The following DDI2 variants were observed in gnomAD, a reference collection of about 807,000 sequenced individuals.
DDI2 encodes protein DDI1 homolog 2.
A neutral mutation model predicts 48.1 loss-of-function variants in DDI2; 5 were observed. That is an observed-to-expected ratio of 0.10 (90% CI 0.05 to 0.22). The LOEUF (loss-of-function observed/expected upper bound fraction) is 0.22, where lower values mean the gene tolerates loss of function less well. Among genes scored for constraint, DDI2 ranks in the 10% least tolerant of loss-of-function variants. The pLI, the probability that DDI2 is intolerant of heterozygous loss-of-function variation, is 1.00. For synonymous variants in DDI2, 205 were observed against 183.6 expected, an observed-to-expected ratio of 1.12 and a Z score of -0.94; for missense variants, 285 against 506.2, an observed-to-expected ratio of 0.56 and a Z score of 4.19.
Position 15,661,813 on chromosome 1 carries a change from A to G in DDI2, c.*2023A>G, listed in dbSNP as rs1640388262. 6.9e-7 allele frequency: 1 copy of G among 1,439,966 alleles called. No individual in the cohort carries two copies. The highest frequency in any genetic ancestry group is 9.2e-7 in the Non-Finnish European group (1 of 1,089,402). The allele number at this position is 1,439,966 out of a possible 1,614,324, so 89.2% of individuals were successfully genotyped here. A position where few individuals can be genotyped will look rare whatever the true frequency, so the allele number is the denominator to read the frequency against. ...ACGCACACATACACACTCACCACAT[A>G]TACAGTATATATAGAAACCTGCAAG... On this transcript the variant is annotated 3_prime_UTR_variant, in exon 10 of 10. Coordinates refer to ENST00000480945, the MANE Select transcript of DDI2 (RefSeq NM_032341.5).
At chr1:15,633,984 A>T in intron 4 of DDI2, 1 of 353,594 alleles carries the variant, frequency 2.8e-6, no homozygotes, top group Non-Finnish European at 5.6e-6. Context: ...ACATGATTGG[A>T]TTAGAGAGGG....
Position 15,660,715 on chromosome 1 carries a change from G to C in DDI2, c.*925G>C. 2 of 1,613,950 alleles carry C rather than the reference G, an allele frequency of 1.2e-6. No individual in the cohort carries two copies. The highest frequency in any genetic ancestry group is 1.1e-5 in the South Asian group (1 of 90,992). ...CATTGGTGCATTGGATCTCACTTTA[G>C]ATAATCCCTTGATGGAAGTAGAAAC... is the stretch of plus-strand genomic sequence containing the variant. On this transcript the variant is annotated 3_prime_UTR_variant, in exon 10 of 10. Transcript: ENST00000480945.
chr1:15,652,249 G>A (rs1364469111), intron 8 of DDI2, among the ~76,000 whole-genome samples: 4 of 151,200 alleles, frequency 2.6e-5, no homozygotes, highest in African/African-American at 9.7e-5. Context: ...GCAGAGATAG[G>A]GTCTTGCTGT....
At chr1:15,652,928 T>A (rs1221647535) in intron 8 of DDI2, among the ~76,000 whole-genome samples, 2 of 151,800 alleles carry the variant, frequency 1.3e-5, no homozygotes, top group African/African-American at 4.8e-5. Flanking sequence ...TTGCTTGAAC[T>A]TGGGAGGCGG....
intron 4 of DDI2, chr1:15,634,350 T>G (rs1639893589): frequency 6.5e-6 from 1 of 152,906 alleles, no homozygotes; most frequent in African/African-American, 2.4e-5. Context: ...TGTTGCTAAT[T>G]GTGAAGAACT....
intron 9 of DDI2, among the ~76,000 whole-genome samples, chr1:15,659,238 C>T (rs1640319477): frequency 6.6e-6 from 1 of 152,152 alleles, no homozygotes; most frequent in Non-Finnish European, 1.5e-5. Context: ...CCTCTCTGTC[C>T]AGGTATACCT....
In DDI2 at chr1:15,634,809, G is replaced by A. The variant is rs75731699; in HGVS notation, c.632+1244G>A. Among the ~76,000 whole-genome samples the A allele has an allele frequency of 2.2e-3, 339 of 152,124 alleles. 4 individuals carry two copies. In the East Asian group the frequency reaches 0.026, roughly 12 times the overall value. ...AGCCTCCCAAAGTGCTAGGATTATA[G>A]GGATGAGCCACTGCACTTAGCCCGT... On this transcript the variant is annotated intron_variant, in intron 4 of 9. Coordinates refer to ENST00000480945, the MANE Select transcript of DDI2 (RefSeq NM_032341.5).
At chr1:15,630,236 A>C in intron 2 of DDI2, 89 bp from the exon 3 acceptor site, 3 of 1,184,690 alleles carry the variant, frequency 2.5e-6, no homozygotes, top group Non-Finnish European at 3.7e-6. Context: ...GCTGTCATAT[A>C]CCATGTATGA....
chr1:15,641,481 A>C (rs1640006487), intron 5 of DDI2, among the ~76,000 whole-genome samples: 1 of 151,972 alleles, frequency 6.6e-6, no homozygotes, highest in African/African-American at 2.4e-5. Context: ...CCAAAAAAAA[A>C]AAAAGTGACA....
chr1:15,667,550 TG>T lies in DDI2; in HGVS notation c.*7763del, dbSNP rs1370924346. On this transcript the variant is annotated 3_prime_UTR_variant, in exon 10 of 10. Coordinates refer to ENST00000480945, the MANE Select transcript of DDI2 (RefSeq NM_032341.5). ...GCAGGATGTGCTATTTTAAAGCAGC[TG>T]GGTGCAACTTGTGAAAACGGGAATC... The T allele has an allele frequency of 2.0e-5, 3 of 152,244 alleles. No homozygotes were observed. The highest frequency in any genetic ancestry group is 7.2e-5 in the African/African-American group (3 of 41,456). The allele number at this position is 152,244 out of a possible 1,614,324, so 9.4% of individuals were successfully genotyped here. A position where few individuals can be genotyped will look rare whatever the true frequency, so the allele number is the denominator to read the frequency against.
intron 6 of DDI2, among the ~76,000 whole-genome samples, chr1:15,646,560 G>A (rs1045865772): frequency 2.0e-5 from 3 of 152,100 alleles, no homozygotes; most frequent in Non-Finnish European, 2.9e-5. Flanking sequence ...GGTGGCGGGT[G>A]CCTGTAATCC....
chr1:15,667,445 ATCC>A lies in DDI2; in HGVS notation c.*7661_*7663del, dbSNP rs1429691475. 2.0e-5 allele frequency: 3 copies of A among 152,236 alleles called. No individual in the cohort carries two copies. Among genetic ancestry groups the A allele is most frequent in the Admixed American group, 6.5e-5 (1 of 15,282 alleles). The allele number at this position is 152,236 out of a possible 1,614,324, so 9.4% of individuals were successfully genotyped here. On this transcript the variant is annotated 3_prime_UTR_variant, in exon 10 of 10. Coordinates refer to ENST00000480945, the MANE Select transcript of DDI2 (RefSeq NM_032341.5). The stretch of plus-strand genomic sequence containing the variant: ...GTAGAAACATGGAGTGTGCGGCAGC[ATCC>A]TCCTCACATCCCTTTGTGAGCACGG...
In DDI2 at chr1:15,660,989, C is replaced by A; in HGVS notation, c.*1199C>A. The stretch of plus-strand genomic sequence containing the variant: ...AGCAGTAAACCAGCTTCAGAAAATA[C>A]ATCTGAAGAAGTAATCTGTCAATCA... On this transcript the variant is annotated 3_prime_UTR_variant, in exon 10 of 10. Coordinates refer to ENST00000480945, the MANE Select transcript of DDI2 (RefSeq NM_032341.5). The A allele has an allele frequency of 5.0e-6, 8 of 1,613,980 alleles. No individual in the cohort carries two copies. Among genetic ancestry groups the A allele is most frequent in the Non-Finnish European group, 6.8e-6 (8 of 1,179,970 alleles).
chr1:15,622,376 T>G (rs541381624), intron 1 of DDI2, among the ~76,000 whole-genome samples: 1 of 152,260 alleles, frequency 6.6e-6, no homozygotes, highest in African/African-American at 2.4e-5. Context: ...TTTTTGTTAA[T>G]AGAAGGCTCT....
In DDI2 at chr1:15,641,800, C is replaced by CA. The variant is rs543383603; in HGVS notation, c.761-1716dup. Among the ~76,000 whole-genome samples the CA allele has an allele frequency of 2.6e-4, 39 of 151,914 alleles. No homozygotes were observed. In the South Asian group the frequency reaches 6.7e-3, roughly 26 times the overall value. On this transcript the variant is annotated intron_variant, in intron 5 of 9. Transcript: ENST00000480945. ...TGAAGCCCCATCTCTACTAAAAATA[C>CA]AAAAAATAGCCGGGCATGGTGGCAC...
rs754635922 is a variant in DDI2 at position 15,630,449 on chromosome 1, C to A, written c.393C>A (p.Gly131=). ...SPGEITSSPQ[G]LDNPALLRDM... The stretch of plus-strand genomic sequence containing the variant: ...GAGAAATAACTTCATCTCCTCAGGG[C>A]TTGGACAATCCAGCCTTGCTCCGAG... The change falls in exon 3 of 10, where the codon GGC becomes GGA. Residue 131 remains glycine, a synonymous_variant. Transcript: ENST00000480945. 67 of 1,614,140 alleles carry A rather than the reference C, an allele frequency of 4.2e-5. No individual in the cohort carries two copies. Among genetic ancestry groups the A allele is most frequent in the Non-Finnish European group, 5.5e-5 (65 of 1,180,062 alleles).
intron 6 of DDI2, among the ~76,000 whole-genome samples, chr1:15,649,400 G>A (rs1400924347): frequency 6.6e-6 from 1 of 151,694 alleles, no homozygotes; most frequent in Non-Finnish European, 1.5e-5. Context: ...GCTGGACACG[G>A]TGGCTCATAC....
At chr1:15,640,096 T>TA (rs1349969827) in intron 5 of DDI2, among the ~76,000 whole-genome samples, 1 of 152,074 alleles carries the variant, frequency 6.6e-6, no homozygotes, top group Non-Finnish European at 1.5e-5. Flanking sequence ...TTATTCAGTT[T>TA]AAAAAATATC....
At position 15,633,808 on chromosome 1, in the gene DDI2, T is replaced by C. The variant is rs148012684; in HGVS notation, c.632+243T>C. On this transcript the variant is annotated intron_variant, in intron 4 of 9. Coordinates refer to ENST00000480945, the MANE Select transcript of DDI2 (RefSeq NM_032341.5). ...TTCTAAAATTTTAAGGAGGACTCCC[T>C]GACTAGCAGACAGAGCATCATAACA... 8.7e-4 allele frequency: 447 copies of C among 513,452 alleles called. 6 individuals are homozygous for C. The East Asian group carries it at 0.023, about 27-fold the overall frequency. 31.8% of individuals were successfully genotyped at this position (513,452 alleles called of 1,614,324 possible). A position where few individuals can be genotyped will look rare whatever the true frequency, so the allele number is the denominator to read the frequency against.
Sources: allele counts gnomAD v4.1 joint callset (sites outside exome capture counted in the v4.1 genomes callset), GRCh38; gene constraint gnomAD v4.1.1; transcripts MANE v1.5; gene names NCBI Gene and HGNC (gene_info 2026-07-23, HGNC 2026-07-21).